PDE8B: variants seen among roughly 807,000 people sequenced by gnomAD.
PDE8B encodes the protein phosphodiesterase 8B.
PDE8B carries 26 observed loss-of-function variants against 101.3 expected under a neutral mutation model. That is an observed-to-expected ratio of 0.26 (90% CI 0.19 to 0.36). PDE8B has a LOEUF of 0.36. Among genes scored for constraint, PDE8B ranks in the 10% least tolerant of loss-of-function variants. The pLI, the probability that PDE8B is intolerant of heterozygous loss-of-function variation, is 1.00. For missense variants in PDE8B, 810 were observed against 1,163.1 expected (o/e 0.70, Z 4.42); for synonymous variants, 424 against 429.3 (o/e 0.99, Z 0.15).
At chr5:77,394,270 GTC>G (rs1416213300) in intron 10 of PDE8B, among the ~76,000 whole-genome samples, 1 of 152,110 alleles carries the variant, frequency 6.6e-6, no homozygotes, top group African/African-American at 2.4e-5. Context: ...GGAGCTGTTT[GTC>G]AGGCACTGTA....
At chr5:77,248,723 A>C (rs1360300712) in intron 1 of PDE8B, among the ~76,000 whole-genome samples, 2 of 152,184 alleles carry the variant, frequency 1.3e-5, no homozygotes, top group Non-Finnish European at 2.9e-5. Flanking sequence ...CTATGGACTG[A>C]ATTGTGTCCC....
intron 10 of PDE8B, among the ~76,000 whole-genome samples, chr5:77,377,395 C>T (rs1786345198): frequency 6.6e-6 from 1 of 152,168 alleles, no homozygotes; most frequent in South Asian, 2.1e-4. Flanking sequence ...TTCGTAGTCT[C>T]CCACCCAAAC....
At chr5:77,247,931 T>G (rs1237243979) in intron 1 of PDE8B, among the ~76,000 whole-genome samples, 1 of 152,110 alleles carries the variant, frequency 6.6e-6, no homozygotes, top group African/African-American at 2.4e-5. Context: ...GTCCAGGGGA[T>G]CCATGCAGGA....
chr5:77,281,652 C>G (rs1261430418), intron 1 of PDE8B, among the ~76,000 whole-genome samples: 2 of 152,162 alleles, frequency 1.3e-5, no homozygotes, highest in Non-Finnish European at 2.9e-5. Context: ...AGGTAGGCCC[C>G]CCACCCCAGT....
chr5:77,245,057 A>G (rs567397912), intron 1 of PDE8B, among the ~76,000 whole-genome samples: 1 of 152,358 alleles, frequency 6.6e-6, no homozygotes, highest in East Asian at 1.9e-4. Context: ...GGGAAACCTT[A>G]AGTGAAATAT....
chr5:77,350,391 C>G (rs957253260), intron 8 of PDE8B, among the ~76,000 whole-genome samples: 5 of 151,942 alleles, frequency 3.3e-5, no homozygotes, highest in African/African-American at 1.2e-4. Flanking sequence ...GCCACACATA[C>G]CAAGGTGCAT....
At chr5:77,310,481 A>C (rs909352862) in intron 1 of PDE8B, among the ~76,000 whole-genome samples, 4 of 152,244 alleles carry the variant, frequency 2.6e-5, no homozygotes, top group Admixed American at 2.0e-4. Flanking sequence ...TTACTTAGAC[A>C]AAAGAAGAGT....
At chr5:77,104,746 T>C in the PDE8B span, 2 of 152,240 alleles carry the variant, frequency 1.3e-5, no homozygotes, top group Non-Finnish European at 2.9e-5. Context: ...AGTTGAGGAT[T>C]TGAGAATTTG....
chr5:77,354,376 C>G (rs552504259), intron 10 of PDE8B, among the ~76,000 whole-genome samples: 1 of 152,260 alleles, frequency 6.6e-6, no homozygotes, highest in South Asian at 2.1e-4. Flanking sequence ...CACTGAGAAT[C>G]TCATCTGAAA....
chr5:77,174,912 T>G, the PDE8B span, among the ~76,000 whole-genome samples: 1 of 152,266 alleles, frequency 6.6e-6, no homozygotes, highest in East Asian at 1.9e-4. Context: ...TTTGACATCT[T>G]CACTCTAATA....
chr5:77,345,128 C>G (rs1170385704), intron 7 of PDE8B, among the ~76,000 whole-genome samples, 197 bp downstream of exon 7: 1 of 152,172 alleles, frequency 6.6e-6, no homozygotes, highest in Non-Finnish European at 1.5e-5. Context: ...ATTATTACTT[C>G]AGATCAGAAC....
the PDE8B span, among the ~76,000 whole-genome samples, chr5:77,196,950 C>A: frequency 1.3e-5 from 2 of 152,024 alleles, no homozygotes; most frequent in African/African-American, 4.8e-5. Context: ...AAATGTCTAT[C>A]TAAACTGTGA....
chr5:77,187,122 G>C, the PDE8B span, among the ~76,000 whole-genome samples: 1 of 152,166 alleles, frequency 6.6e-6, no homozygotes, highest in Non-Finnish European at 1.5e-5. Flanking sequence ...GTGCATGGTT[G>C]ATAATACATG....
At chr5:77,320,538 C>T (rs1192800589) in intron 2 of PDE8B, among the ~76,000 whole-genome samples, 2 of 152,126 alleles carry the variant, frequency 1.3e-5, no homozygotes, top group Non-Finnish European at 2.9e-5. Context: ...GTGGTCACCA[C>T]TTATTGGTGC....
At chr5:77,100,357 C>G in the PDE8B span, 5 of 152,186 alleles carry the variant, frequency 3.3e-5, no homozygotes, top group African/African-American at 1.2e-4. Context: ...AAGCTATCTG[C>G]TGTGAGACAC....
chr5:77,274,914 G>A (rs1171725542), intron 1 of PDE8B, among the ~76,000 whole-genome samples: 1 of 152,106 alleles, frequency 6.6e-6, no homozygotes. Context: ...AAAAGAGAAA[G>A]AGAAAGAGAT....
At chr5:77,175,860 T>C in the PDE8B span, among the ~76,000 whole-genome samples, 2 of 152,194 alleles carry the variant, frequency 1.3e-5, no homozygotes, top group Non-Finnish European at 2.9e-5. Context: ...TATATCTATA[T>C]ATATAGATAC....
chr5:77,382,899 C>A (rs1489241586), intron 10 of PDE8B, among the ~76,000 whole-genome samples: 1 of 152,168 alleles, frequency 6.6e-6, no homozygotes, highest in East Asian at 1.9e-4. Context: ...AATAAACATA[C>A]GTATGCATGT....
chr5:77,182,119 A>C, the PDE8B span, among the ~76,000 whole-genome samples: 3 of 152,098 alleles, frequency 2.0e-5, no homozygotes, highest in African/African-American at 7.2e-5. Context: ...CAAGAGGTAC[A>C]ACCTGTCCTG....
Sources: allele counts gnomAD v4.1 joint callset (sites outside exome capture counted in the v4.1 genomes callset), GRCh38; gene constraint gnomAD v4.1.1; transcripts MANE v1.5; gene names NCBI Gene and HGNC (gene_info 2026-07-23, HGNC 2026-07-21).